Variants in DGKB observed in about 807,000 individuals in gnomAD.
DGKB encodes the protein diacylglycerol kinase beta, also known as 90 kDa diacylglycerol kinase.
A neutral mutation model predicts 114.3 loss-of-function variants in DGKB; 67 were observed. The ratio of observed to expected loss-of-function variants is 0.59; its 90% CI spans 0.48 to 0.72. DGKB has a LOEUF of 0.72. DGKB is among the 30% of genes least tolerant of loss of function. DGKB has a pLI of 0.00. For missense variants in DGKB, 907 were observed against 975.2 expected (o/e 0.93, Z 0.93); for synonymous variants, 398 against 323.1 (o/e 1.23, Z -2.49).
intron 1 of DGKB, among the ~76,000 whole-genome samples, chr7:14,885,594 G>A (rs369401734): frequency 2.0e-5 from 3 of 151,898 alleles, no homozygotes; most frequent in Middle Eastern, 3.4e-3. Flanking sequence ...GCGATTAAAC[G>A]TGCCTACATA....
At position 14,189,615 on chromosome 7, in the gene DGKB, G is replaced by A. The variant is rs138477463; in HGVS notation, c.2123-11464C>T. Among the ~76,000 whole-genome samples the A allele has an allele frequency of 6.8e-4, 104 of 152,078 alleles. No homozygotes were observed. In the East Asian group the frequency reaches 0.011, roughly 16 times the overall value. On this transcript the variant is annotated intron_variant, in intron 23 of 25. Coordinates refer to ENST00000402815, the MANE Select transcript of DGKB (RefSeq NM_001350709.2). ...TTTCCCATTAAGAGACAGAATGGCT[G>A]AATAGGCAAAATAAAATAAAATAAG... is the stretch of plus-strand genomic sequence containing the variant.
At chr7:14,643,895 C>G (rs544930292) in intron 13 of DGKB, among the ~76,000 whole-genome samples, 1 of 152,118 alleles carries the variant, frequency 6.6e-6, no homozygotes, top group Non-Finnish European at 1.5e-5. Context: ...CTGACCTCTC[C>G]AATAGTGGGG....
intron 1 of DGKB, among the ~76,000 whole-genome samples, chr7:14,958,455 AC>A (rs1786645949): frequency 6.6e-6 from 1 of 151,272 alleles, no homozygotes; most frequent in Non-Finnish European, 1.5e-5. Context: ...ACACACACAC[AC>A]ACACACACAC....
At chr7:14,776,752 G>A (rs761170711) in intron 2 of DGKB, among the ~76,000 whole-genome samples, 1 of 152,234 alleles carries the variant, frequency 6.6e-6, no homozygotes, top group African/African-American at 2.4e-5. Flanking sequence ...CTAGGGCAGT[G>A]GAGAAGGGAA....
At chr7:14,875,383 A>G (rs1459907350) in intron 1 of DGKB, among the ~76,000 whole-genome samples, 1 of 152,114 alleles carries the variant, frequency 6.6e-6, no homozygotes, top group Non-Finnish European at 1.5e-5. Flanking sequence ...TACTTTAATC[A>G]TTCACTTTTC....
chr7:14,586,303 A>G (rs1373329935), intron 17 of DGKB, among the ~76,000 whole-genome samples: 1 of 152,146 alleles, frequency 6.6e-6, no homozygotes, highest in African/African-American at 2.4e-5. Flanking sequence ...CAAAGGAGCC[A>G]CAACATTCCC....
At chr7:14,313,858 A>T (rs1805922341) in intron 23 of DGKB, among the ~76,000 whole-genome samples, 1 of 152,142 alleles carries the variant, frequency 6.6e-6, no homozygotes, top group African/African-American at 2.4e-5. Context: ...GACAGCAGTA[A>T]CCTCTGCAGA....
intron 23 of DGKB, among the ~76,000 whole-genome samples, chr7:14,260,641 T>G (rs1233181937): frequency 1.3e-5 from 2 of 152,200 alleles, no homozygotes; most frequent in Non-Finnish European, 2.9e-5. Context: ...GAACTTTCTA[T>G]CGGTATAATT....
intron 5 of DGKB, among the ~76,000 whole-genome samples, chr7:14,733,731 TAAAGAAGAAAGAAATAAAGAAGA>T (rs1482926555): frequency 2.9e-5 from 4 of 137,318 alleles, no homozygotes; most frequent in Non-Finnish European, 6.1e-5. Context: ...GAGAAAGAAA[TAAAGAAGAAAGAAATAAAGAAGA>T]AAGAAAGAAA....
chr7:14,923,690 C>A (rs1252933435), intron 1 of DGKB, among the ~76,000 whole-genome samples: 1 of 151,956 alleles, frequency 6.6e-6, no homozygotes, highest in Non-Finnish European at 1.5e-5. Flanking sequence ...TTTTTAAACT[C>A]CTCTATATAA....
chr7:14,452,131 C>G (rs1831616684), intron 21 of DGKB, among the ~76,000 whole-genome samples: 1 of 152,000 alleles, frequency 6.6e-6, no homozygotes, highest in African/African-American at 2.4e-5. Flanking sequence ...TGCAATATTT[C>G]CTGCCCAATA....
At chr7:14,464,992 C>T (rs1431931187) in intron 21 of DGKB, among the ~76,000 whole-genome samples, 6 of 152,098 alleles carry the variant, frequency 3.9e-5, no homozygotes, top group East Asian at 1.9e-4. Flanking sequence ...TGAGTAGCAG[C>T]GACAGGGGCG....
chr7:14,306,555 T>C (rs200076400), intron 23 of DGKB, among the ~76,000 whole-genome samples: 1 of 151,880 alleles, frequency 6.6e-6, no homozygotes, highest in East Asian at 1.9e-4. Context: ...GTTTTTTTTC[T>C]TTTTTTCTGA....
intron 1 of DGKB, among the ~76,000 whole-genome samples, chr7:14,868,210 T>C (rs2128191189): frequency 6.6e-6 from 1 of 152,194 alleles, no homozygotes; most frequent in African/African-American, 2.4e-5. Flanking sequence ...TGTGGAAAAA[T>C]ACAGAGGCAG....
intron 1 of DGKB, among the ~76,000 whole-genome samples, chr7:14,864,101 C>CAAA (rs34612317): frequency 3.1e-5 from 3 of 96,512 alleles, no homozygotes; most frequent in Non-Finnish European, 4.6e-5. Flanking sequence ...AACTCTGTTT[C>CAAA]AAAAAAAAAA....
At chr7:14,754,815 G>A (rs1834632975) in intron 3 of DGKB, among the ~76,000 whole-genome samples, 1 of 152,170 alleles carries the variant, frequency 6.6e-6, no homozygotes, top group African/African-American at 2.4e-5. Flanking sequence ...TAATATGTAT[G>A]TGTACTGGGA....
intron 21 of DGKB, among the ~76,000 whole-genome samples, chr7:14,424,809 G>A (rs759069322): frequency 3.3e-5 from 5 of 152,066 alleles, no homozygotes; most frequent in Non-Finnish European, 5.9e-5. Flanking sequence ...CAAGTAAGTA[G>A]TAGAACAGGA....
At chr7:14,676,276 A>T (rs1819841651) in intron 12 of DGKB, among the ~76,000 whole-genome samples, 1 of 152,128 alleles carries the variant, frequency 6.6e-6, no homozygotes, top group Non-Finnish European at 1.5e-5. Flanking sequence ...TGCCCTTTGG[A>T]TATAAATGCC....
At chr7:14,673,691 C>A (rs1819381314) in intron 12 of DGKB, among the ~76,000 whole-genome samples, 1 of 151,764 alleles carries the variant, frequency 6.6e-6, no homozygotes, top group African/African-American at 2.4e-5. Context: ...TTTTTATTAA[C>A]CTGGTCATAA....
Sources: gnomAD v4.1 joint callset for allele counts (sites outside exome capture counted in the v4.1 genomes callset) on GRCh38, gnomAD v4.1.1 for gene constraint, MANE v1.5 for transcripts, NCBI Gene and HGNC (gene_info 2026-07-23, HGNC 2026-07-21) for gene names.